Variants in SMYD3 observed in about 807,000 individuals in gnomAD.
SMYD3 encodes SET and MYND domain containing 3.
Under a neutral mutation model 57.7 loss-of-function variants are expected in SMYD3, and 36 were observed. That is an observed-to-expected ratio of 0.62 (90% CI 0.48 to 0.82). The LOEUF (loss-of-function observed/expected upper bound fraction) is 0.82, where lower values mean the gene tolerates loss of function less well. Ranked by LOEUF, SMYD3 falls within the 40% of genes least tolerant of loss-of-function variation. The probability of loss-of-function intolerance (pLI) is 0.00; values close to 1 mark genes in which losing one functional copy is unlikely to be tolerated. For missense variants in SMYD3, 515 were observed against 538.8 expected (o/e 0.96, Z 0.44); for synonymous variants, 211 against 195.0 (o/e 1.08, Z -0.68).
Position 246,100,558 on chromosome 1 carries a change from C to T in SMYD3, c.532-170621G>A, listed in dbSNP as rs148642448. 3.3e-5 allele frequency among the ~76,000 whole-genome samples: 5 copies of T among 152,338 alleles called. No homozygotes were observed. The East Asian group carries it at 9.7e-4, about 29-fold the overall frequency. On this transcript the variant is annotated intron_variant, in intron 5 of 11. Coordinates refer to ENST00000490107, the MANE Select transcript of SMYD3 (RefSeq NM_001167740.2). ...CTGCTTGCTGACGCTCAGGACTGGA[C>T]AAACATGGCTCAAGAGACCAGGGTT...
At chr1:245,897,951 A>T (rs998783616) in intron 8 of SMYD3, among the ~76,000 whole-genome samples, 2 of 152,156 alleles carry the variant, frequency 1.3e-5, no homozygotes, top group African/African-American at 4.8e-5. Flanking sequence ...TATAGAAATC[A>T]GTGATTTCAC....
intron 5 of SMYD3, among the ~76,000 whole-genome samples, chr1:245,979,371 C>T (rs1240058718): frequency 6.6e-6 from 1 of 152,094 alleles, no homozygotes; most frequent in Non-Finnish European, 1.5e-5. Context: ...AAAATGTGAC[C>T]TTATTTGGAA....
chr1:246,255,927 AAGATAGATAGATAGATAGATAGATAGAT>A (rs55974041), intron 5 of SMYD3, among the ~76,000 whole-genome samples: 1 of 121,240 alleles, frequency 8.2e-6, no homozygotes, highest in Non-Finnish European at 1.7e-5. Flanking sequence ...CATAACTAAT[AAGATAGATAGATAGATAGATAGATAGAT>A]AGATAGATAG....
chr1:246,177,964 C>A (rs1302605862), intron 5 of SMYD3, among the ~76,000 whole-genome samples: 1 of 152,170 alleles, frequency 6.6e-6, no homozygotes, highest in Non-Finnish European at 1.5e-5. Context: ...AAAAAGGGTG[C>A]TGCCTCCATT....
intron 10 of SMYD3, among the ~76,000 whole-genome samples, chr1:245,768,881 C>T (rs988573973): frequency 2.0e-5 from 3 of 151,728 alleles, no homozygotes; most frequent in Non-Finnish European, 2.9e-5. Context: ...TCCCAGCCTC[C>T]GGAACTGTGA....
At chr1:246,491,713 C>A (rs761679858) in intron 1 of SMYD3, among the ~76,000 whole-genome samples, 1 of 152,072 alleles carries the variant, frequency 6.6e-6, no homozygotes, top group Admixed American at 6.5e-5. Context: ...CTGGCTGATA[C>A]CATCGGTCCT....
At chr1:246,296,435 CAAG>C (rs2064796451) in intron 5 of SMYD3, among the ~76,000 whole-genome samples, 1 of 152,118 alleles carries the variant, frequency 6.6e-6, no homozygotes, top group African/African-American at 2.4e-5. Flanking sequence ...ATTGGCTTCA[CAAG>C]AAAATACCTA....
intron 5 of SMYD3, among the ~76,000 whole-genome samples, chr1:246,109,560 T>G (rs2061193687): frequency 6.6e-6 from 1 of 152,240 alleles, no homozygotes; most frequent in African/African-American, 2.4e-5. Flanking sequence ...AATTTCTGCA[T>G]GGATGAGAAA....
chr1:245,921,408 T>C (rs1245390198), intron 7 of SMYD3, among the ~76,000 whole-genome samples: 1 of 152,110 alleles, frequency 6.6e-6, no homozygotes, highest in Non-Finnish European at 1.5e-5. Flanking sequence ...AACAATCCCA[T>C]TACTGGGTAT....
intron 1 of SMYD3, among the ~76,000 whole-genome samples, chr1:246,465,926 A>G (rs2067875262): frequency 6.6e-6 from 1 of 152,128 alleles, no homozygotes; most frequent in African/African-American, 2.4e-5. Context: ...CAAGCACCAC[A>G]ACACCTGGCT....
At chr1:246,373,319 T>G (rs929051243) in intron 1 of SMYD3, among the ~76,000 whole-genome samples, 2 of 152,176 alleles carry the variant, frequency 1.3e-5, no homozygotes, top group Admixed American at 1.3e-4. Flanking sequence ...ACGCAGGGCA[T>G]AGAGAGAAGG....
intron 8 of SMYD3, among the ~76,000 whole-genome samples, chr1:245,872,466 C>A (rs2052257873): frequency 7.9e-6 from 1 of 126,910 alleles, no homozygotes; most frequent in South Asian, 2.7e-4. Context: ...CCTGAGCTGG[C>A]CGACCCCAGG....
chr1:245,802,204 G>A (rs1422073072), intron 10 of SMYD3, among the ~76,000 whole-genome samples: 1 of 152,124 alleles, frequency 6.6e-6, no homozygotes, highest in African/African-American at 2.4e-5. Context: ...CAAAATTACT[G>A]AATACCCACA....
chr1:246,352,523 A>G (rs1407178653), intron 2 of SMYD3, among the ~76,000 whole-genome samples: 1 of 152,228 alleles, frequency 6.6e-6, no homozygotes, highest in Non-Finnish European at 1.5e-5. Context: ...GTTTAAACGC[A>G]TATGTTCTGG....
At position 245,979,114 on chromosome 1, in the gene SMYD3, T is replaced by C. The variant is rs576408062; in HGVS notation, c.532-49177A>G. Among the ~76,000 whole-genome samples the C allele has an allele frequency of 7.2e-5, 11 of 152,194 alleles. No homozygotes were observed. The East Asian group carries it at 1.7e-3, about 24-fold the overall frequency. On this transcript the variant is annotated intron_variant, in intron 5 of 11. Coordinates refer to ENST00000490107, the MANE Select transcript of SMYD3 (RefSeq NM_001167740.2). ...GGCATCTTAATGAAAGAAACCTAGA[T>C]AGGAGATGAGTCATTTAAACCCTCT... is the stretch of plus-strand genomic sequence containing the variant.
chr1:246,317,429 T>C (rs2065180665), intron 5 of SMYD3, among the ~76,000 whole-genome samples: 1 of 152,278 alleles, frequency 6.6e-6, no homozygotes, highest in South Asian at 2.1e-4. Flanking sequence ...AGAGGCCAAA[T>C]CTGGCCCACC....
At chr1:246,162,457 T>C (rs951897594) in intron 5 of SMYD3, among the ~76,000 whole-genome samples, 1 of 152,206 alleles carries the variant, frequency 6.6e-6, no homozygotes, top group Non-Finnish European at 1.5e-5. Flanking sequence ...GGCATATTAA[T>C]TATTTTTAAA....
chr1:245,939,588 C>T (rs1229865490), intron 5 of SMYD3, among the ~76,000 whole-genome samples: 3 of 152,098 alleles, frequency 2.0e-5, no homozygotes, highest in Non-Finnish European at 4.4e-5. Flanking sequence ...GATCGCACCA[C>T]TCCACTCCAG....
intron 1 of SMYD3, among the ~76,000 whole-genome samples, chr1:246,503,480 T>C (rs571819746): frequency 3.9e-5 from 6 of 152,248 alleles, no homozygotes; most frequent in South Asian, 2.1e-4. Context: ...CCTGGGGATA[T>C]AAAAAAGATT....
Sources: gnomAD v4.1 joint callset for allele counts (sites outside exome capture counted in the v4.1 genomes callset) on GRCh38, gnomAD v4.1.1 for gene constraint, MANE v1.5 for transcripts, NCBI Gene and HGNC (gene_info 2026-07-23, HGNC 2026-07-21) for gene names.